XDH: variants seen among roughly 807,000 people sequenced by gnomAD.
XDH encodes xanthine dehydrogenase.
A neutral mutation model predicts 156.1 loss-of-function variants in XDH; 138 were observed. The observed-to-expected ratio is 0.88, with a 90% confidence interval of 0.77 to 1.02. The LOEUF is 1.02. XDH is among the 50% of genes least tolerant of loss of function. The probability of loss-of-function intolerance (pLI) is 0.00; values close to 1 mark genes in which losing one functional copy is unlikely to be tolerated. For missense variants in XDH, 1,849 were observed against 1,684.9 expected (o/e 1.10, Z -1.71); for synonymous variants, 669 against 625.7 (o/e 1.07, Z -1.03).
intron 11 of XDH, 26 bp from the exon 12 acceptor site, chr2:31,381,752 G>C: frequency 1.3e-6 from 2 of 1,598,814 alleles, no homozygotes; most frequent in Non-Finnish European, 1.7e-6. Flanking sequence ...AGCATGCAGT[G>C]AGAGCCCACC....
chr2:31,336,216 AG>A (rs1270464167), intron 35 of XDH, among the ~76,000 whole-genome samples: 4 of 152,244 alleles, frequency 2.6e-5, no homozygotes, highest in African/African-American at 7.2e-5. Flanking sequence ...TCCACATGGC[AG>A]GCGTTCTATT....
In XDH at chr2:31,366,917, C is replaced by T. The variant is rs1558688856; in HGVS notation, c.2275G>A (p.Gly759Arg). Residue 759 changes from glycine to arginine, a missense_variant, in exon 21 of 36, where the codon GGG (glycine) becomes AGG (arginine). Transcript: ENST00000379416. The part of the protein sequence containing the change: ...CTIAVPKGEA[G>R]EMELFVSTQN... ...GTAGACACAAAGAGCTCCATCTCCCCTGCCTCGCCTTTTGGAACAGCAATG... is the reference window on the plus strand; with the variant it reads ...GTAGACACAAAGAGCTCCATCTCCCTTGCCTCGCCTTTTGGAACAGCAATG... 15 of 1,614,254 alleles carry T rather than the reference C, an allele frequency of 9.3e-6. No homozygotes were observed. Among genetic ancestry groups the T allele is most frequent in the Non-Finnish European group, 1.2e-5 (14 of 1,180,046 alleles).
chr2:31,398,463 C>T, intron 5 of XDH, 110 bp downstream of exon 5: 2 of 1,582,446 alleles, frequency 1.3e-6, no homozygotes, highest in South Asian at 1.1e-5. Context: ...GGGGCCTGAG[C>T]CCTTCCTCCA....
chr2:31,401,301 G>C lies in XDH; in HGVS notation c.225C>G (p.Ala75=), dbSNP rs368792036. Reference sequence around the variant, plus strand: ...CAACATGGTGCAAGGAGCAGATGGGGGCCAGGCAGGCATTGGCAGAAAAGT... The same window carrying C: ...CAACATGGTGCAAGGAGCAGATGGGCGCCAGGCAGGCATTGGCAGAAAAGT... ...IVHFSANACL[A]PICSLHHVAV... The change falls in exon 4 of 36, where the codon GCC becomes GCG. Residue 75 remains alanine (A), a synonymous_variant. Transcript: ENST00000379416. The C allele has an allele frequency of 6.2e-6, 10 of 1,614,036 alleles. No individual in the cohort carries two copies. The highest frequency in any genetic ancestry group is 7.6e-6 in the Non-Finnish European group (9 of 1,180,020).
At chr2:31,412,554 C>T (rs1243706291) in intron 1 of XDH, among the ~76,000 whole-genome samples, 3 of 152,036 alleles carry the variant, frequency 2.0e-5, no homozygotes, top group African/African-American at 7.3e-5. Context: ...ATGGGTGCAG[C>T]AAACCAACAT....
intron 33 of XDH, 94 bp downstream of exon 33, chr2:31,341,235 C>T (rs1685115310): frequency 7.8e-7 from 1 of 1,275,400 alleles, no homozygotes; most frequent in Non-Finnish European, 1.1e-6. Context: ...TTGAAGACAA[C>T]CTTGGACAAC....
chr2:31,378,069 AG>A, intron 13 of XDH, among the ~76,000 whole-genome samples: 1 of 24,942 alleles, frequency 4.0e-5, no homozygotes, highest in East Asian at 1.2e-3. Flanking sequence ...AAAGAAAGAA[AG>A]AAAGAAAGAA....
rs757402512 is a variant in XDH at position 31,370,335 on chromosome 2, T to TA, written c.1980+19dup. 1.3e-5 allele frequency: 21 copies of TA among 1,613,764 alleles called. No homozygotes were observed. Among genetic ancestry groups the TA allele is most frequent in the Admixed American group, 3.3e-5 (2 of 60,020 alleles). Reference sequence around the variant, plus strand: ...CAATACTTATTCAATTTACTTCATATAAAAAAATCCAAGACTTACCTTATC... The same window carrying TA: ...CAATACTTATTCAATTTACTTCATATAAAAAAAATCCAAGACTTACCTTATC... On this transcript the variant is annotated intron_variant, in intron 18 of 35. Transcript: ENST00000379416.
chr2:31,372,292 G>T lies in XDH; in HGVS notation c.1792C>A (p.Pro598Thr). Residue 598 changes from proline to threonine, a missense_variant, in exon 17 of 36, where the codon CCT becomes ACT. Pro to Thr is a conservative substitution (Grantham distance 38). Transcript: ENST00000379416. Reference protein sequence around the residue: ...SGEAVYCDDIPRYENELSLRL... With the variant: ...SGEAVYCDDITRYENELSLRL... ...AGAGACAGCTCATTCTCGTAGCGAG[G>T]AATGTCGTCACAGTACACGGCCTCA... The T allele has an allele frequency of 1.2e-6, 2 of 1,614,232 alleles. No homozygotes were observed. Among genetic ancestry groups the T allele is most frequent in the Non-Finnish European group, 1.7e-6 (2 of 1,180,034 alleles).
rs1686480381 is a variant in XDH at position 31,383,061 on chromosome 2, C to T, written c.978G>A (p.Val326=). The change falls in exon 11 of 36, where the codon GTG becomes GTA. Residue 326 remains valine (V), a synonymous_variant. Transcript: ENST00000379416. ...VAKLPAQKTE[V]FRGVLEQLRW... Reference sequence around the variant, plus strand: ...GCAGCTGCTCCAGGACCCCTCTGAACACCTCTGTCTTTTGGGCAGGAAGCT... The same window carrying T: ...GCAGCTGCTCCAGGACCCCTCTGAATACCTCTGTCTTTTGGGCAGGAAGCT... 1.2e-6 allele frequency: 2 copies of T among 1,614,184 alleles called. No homozygotes were observed. Among genetic ancestry groups the T allele is most frequent in the Non-Finnish European group, 1.7e-6 (2 of 1,180,034 alleles).
chr2:31,377,055 G>A lies in XDH; in HGVS notation c.1425C>T (p.Ser475=), dbSNP rs780162015. ...TTCATTGTGCTGTTAGCTCTTACTT[G>A]GAAAGCTGCCTCTGAGTGGTCTTGA... ...SALKTTQRQL[S]KLWKEELLQD... Residue 475 remains serine (S), a splice_region_variant and synonymous_variant, in exon 14 of 36, where the codon TCC becomes TCT. Coordinates refer to ENST00000379416, the MANE Select transcript of XDH (RefSeq NM_000379.4). 6.2e-7 allele frequency: 1 copy of A among 1,614,098 alleles called. No individual in the cohort carries two copies. The highest frequency in any genetic ancestry group is 1.3e-5 in the African/African-American group (1 of 75,006).
chr2:31,339,504 G>T lies in XDH; in HGVS notation c.3759C>A (p.Ala1253=). 1 of 1,614,170 alleles carries T rather than the reference G, an allele frequency of 6.2e-7. No individual in the cohort carries two copies. Among genetic ancestry groups the T allele is most frequent in the South Asian group, 1.1e-5 (1 of 91,078 alleles). The change falls in exon 34 of 36, where the codon GCC becomes GCA. Residue 1253 remains alanine, a synonymous_variant. Coordinates refer to ENST00000379416, the MANE Select transcript of XDH (RefSeq NM_000379.4). ...GCAATGGTACCTTCGATGCATAGAT[G>T]GCCTTCTTGTTGGGGCAGTCGCGGA... is the stretch of plus-strand genomic sequence containing the variant. ...SLLRDCPNKK[A]IYASKAVGEP... is the part of the protein sequence containing the mutation.
In XDH at chr2:31,335,064, GCTCT is replaced by G. The variant is rs1684939554; in HGVS notation, c.*890_*893del. 1 of 152,022 alleles carries G rather than the reference GCTCT, an allele frequency of 6.6e-6. No homozygotes were observed. The highest frequency in any genetic ancestry group is 2.4e-5 in the African/African-American group (1 of 41,384). The allele number at this position is 152,022 out of a possible 1,614,324, so 9.4% of individuals were successfully genotyped here. ...AAAAAAATTTTTTTTAAAGACAGGA[GCTCT>G]CTATGTTGCCCAGGCTGGTCTCAAA... On this transcript the variant is annotated 3_prime_UTR_variant, in exon 36 of 36. Coordinates refer to ENST00000379416, the MANE Select transcript of XDH (RefSeq NM_000379.4).
intron 35 of XDH, among the ~76,000 whole-genome samples, 171 bp from the exon 36 acceptor site, chr2:31,336,179 C>T (rs1282806656): frequency 6.6e-6 from 1 of 152,216 alleles, no homozygotes; most frequent in Non-Finnish European, 1.5e-5. Flanking sequence ...ATTTCCTAAG[C>T]CATTCATTTA....
chr2:31,363,993 T>A, intron 24 of XDH, among the ~76,000 whole-genome samples, 165 bp downstream of exon 24: 1 of 152,114 alleles, frequency 6.6e-6, no homozygotes, highest in South Asian at 2.1e-4. Context: ...ACGATCATCA[T>A]TGTGCTATAG....
At chr2:31,402,726 C>T (rs944992114) in intron 3 of XDH, among the ~76,000 whole-genome samples, 1 of 152,152 alleles carries the variant, frequency 6.6e-6, no homozygotes, top group East Asian at 1.9e-4. Flanking sequence ...CTGGGGCATA[C>T]TGTGCAGGGC....
intron 23 of XDH, 61 bp downstream of exon 23, chr2:31,365,396 G>C: frequency 1.3e-6 from 2 of 1,577,862 alleles, no homozygotes; most frequent in South Asian, 1.1e-5. Flanking sequence ...CTGGACATTC[G>C]GTCCCAGCTT....
intron 12 of XDH, among the ~76,000 whole-genome samples, chr2:31,380,701 CTTTGCTGAT>C (rs1445081446): frequency 6.6e-6 from 1 of 152,210 alleles, no homozygotes; most frequent in Non-Finnish European, 1.5e-5. Context: ...TATCTTTTCC[CTTTGCTGAT>C]TTTGCATCCT....
At chr2:31,349,561 A>G (rs1170333704) in intron 26 of XDH, 125 bp downstream of exon 26, 3 of 1,385,980 alleles carry the variant, frequency 2.2e-6, no homozygotes, top group Admixed American at 3.4e-5. Flanking sequence ...GCTGTGAATG[A>G]GTTGGCAAAC....
Sources: allele counts gnomAD v4.1 joint callset (sites outside exome capture counted in the v4.1 genomes callset), GRCh38; gene constraint gnomAD v4.1.1; transcripts MANE v1.5; gene names NCBI Gene and HGNC (gene_info 2026-07-23, HGNC 2026-07-21).